The following TTC34 variants were observed in gnomAD, a reference collection of about 807,000 sequenced individuals.
The protein encoded by TTC34 is tetratricopeptide repeat domain 34, also known as tetratricopeptide repeat protein 34.
TTC34 carries 44 observed loss-of-function variants against 40.7 expected under a neutral mutation model. The observed-to-expected ratio is 1.08, with a 90% CI of 0.85 to 1.39. The LOEUF (loss-of-function observed/expected upper bound fraction) is 1.39. Ranked by LOEUF, TTC34 falls within the 40% of genes most tolerant of loss-of-function variation. The pLI is 0.00. For synonymous variants in TTC34, 422 were observed against 398.6 expected (o/e 1.06, Z -0.70); for missense variants, 884 against 838.0 (o/e 1.05, Z -0.68).
intron 6 of TTC34, among the ~76,000 whole-genome samples, chr1:2,690,966 G>C (rs1640591931): frequency 1.3e-5 from 1 of 76,632 alleles, no homozygotes. Flanking sequence ...TGACAGACTG[G>C]AACAGCACCC....
chr1:2,790,461 G>T (rs572945005), intron 2 of TTC34, 115 bp from the exon 3 acceptor site: 10 of 397,276 alleles, frequency 2.5e-5, no homozygotes, highest in Non-Finnish European at 4.4e-5. Context: ...GAGTCCTCCT[G>T]CCCGAGGCAT....
chr1:2,641,981 C>T, intron 8 of TTC34, 86 bp from the exon 9 acceptor site: 1 of 1,328,666 alleles, frequency 7.5e-7, no homozygotes, highest in Non-Finnish European at 9.9e-7. Context: ...GTCCTCTGCA[C>T]AGCCAGCTTC....
intron 6 of TTC34, among the ~76,000 whole-genome samples, chr1:2,695,093 AACCTGGAACAGCACCCATAC>A (rs1640800789): frequency 1.3e-4 from 15 of 118,336 alleles, no homozygotes; most frequent in East Asian, 2.8e-4. Context: ...AGCATCTGAC[AACCTGGAACAGCACCCATAC>A]GCCAAGATGA....
At chr1:2,681,934 C>A (rs373332367) in intron 6 of TTC34, among the ~76,000 whole-genome samples, 2 of 108,502 alleles carry the variant, frequency 1.8e-5, no homozygotes, top group East Asian at 2.3e-4. Context: ...CAGCCTGGAA[C>A]AGCACCAACA....
intron 6 of TTC34, among the ~76,000 whole-genome samples, chr1:2,687,821 C>G (rs1201447242): frequency 6.6e-6 from 1 of 151,288 alleles, no homozygotes; most frequent in Non-Finnish European, 1.5e-5. Context: ...AGGTGAGCAT[C>G]TGATGGTCTG....
intron 6 of TTC34, among the ~76,000 whole-genome samples, chr1:2,751,687 A>C (rs1229239488): frequency 1.9e-3 from 182 of 94,646 alleles, no homozygotes; most frequent in Non-Finnish European, 2.3e-3. Flanking sequence ...AGCACCCACA[A>C]CCCCAAGCGA....
At chr1:2,752,048 AC>A (rs1197382810) in intron 6 of TTC34, among the ~76,000 whole-genome samples, 1 of 114,170 alleles carries the variant, frequency 8.8e-6, no homozygotes. Context: ...CAGCACCGAC[AC>A]CCCCAGGCGA....
chr1:2,660,527 GACA>G (rs1639510168), intron 6 of TTC34, among the ~76,000 whole-genome samples: 1 of 25,792 alleles, frequency 3.9e-5, no homozygotes, highest in Admixed American at 5.2e-4. Flanking sequence ...GTGAGCATCT[GACA>G]ACAGGGAGCA....
intron 6 of TTC34, among the ~76,000 whole-genome samples, chr1:2,687,473 A>C (rs1159816522): frequency 1.4e-5 from 1 of 72,812 alleles, no homozygotes; most frequent in Non-Finnish European, 2.6e-5. Flanking sequence ...ACAGCCTGGA[A>C]CAGCACCCAC....
intron 6 of TTC34, among the ~76,000 whole-genome samples, chr1:2,760,517 A>G (rs1234833939): frequency 1.4e-4 from 6 of 43,222 alleles, no homozygotes; most frequent in Admixed American, 2.8e-4. Context: ...CTGGAGCAGC[A>G]CCCACACCCC....
chr1:2,650,253 A>G (rs1431012073), intron 6 of TTC34, among the ~76,000 whole-genome samples: 21 of 122,900 alleles, frequency 1.7e-4, no homozygotes, highest in African/African-American at 2.2e-4. Flanking sequence ...ATGGCACTCT[A>G]CATCCCCAGG....
chr1:2,643,171 C>T (rs981496900), intron 8 of TTC34, among the ~76,000 whole-genome samples: 2 of 152,220 alleles, frequency 1.3e-5, no homozygotes, highest in Non-Finnish European at 2.9e-5. Flanking sequence ...ACCCCAGACT[C>T]CCCTGAGCCC....
chr1:2,681,433 GAGC>G, intron 6 of TTC34, among the ~76,000 whole-genome samples: 1 of 117,094 alleles, frequency 8.5e-6, no homozygotes, highest in Non-Finnish European at 2.1e-5. Flanking sequence ...ACGCCCAGAT[GAGC>G]ATCTGACAGC....
At chr1:2,754,074 G>GGAGTAGCACCC (rs1641419238) in intron 6 of TTC34, among the ~76,000 whole-genome samples, 1 of 67,978 alleles carries the variant, frequency 1.5e-5, no homozygotes, top group Non-Finnish European at 2.5e-5. Context: ...GTGAGCATCT[G>GGAGTAGCACCC]ACAGCCTGGA....
intron 8 of TTC34, among the ~76,000 whole-genome samples, chr1:2,643,367 C>A (rs1412174245): frequency 6.6e-6 from 1 of 152,238 alleles, no homozygotes; most frequent in African/African-American, 2.4e-5. Flanking sequence ...GCAGCCCAGC[C>A]GTATTCTGCA....
intron 6 of TTC34, among the ~76,000 whole-genome samples, chr1:2,647,011 G>A (rs1639031641): frequency 1.3e-5 from 2 of 152,104 alleles, no homozygotes; most frequent in Admixed American, 1.3e-4. Context: ...CATTGTTTCT[G>A]GGACAAATCT....
intron 6 of TTC34, among the ~76,000 whole-genome samples, chr1:2,647,374 C>T (rs1280088691): frequency 6.6e-6 from 1 of 152,122 alleles, no homozygotes; most frequent in African/African-American, 2.4e-5. Flanking sequence ...CCTGTAATCC[C>T]AGCATGTTGG....
At chr1:2,798,808 TTCAAGCCTC>T (rs1643739693) in intron 2 of TTC34, among the ~76,000 whole-genome samples, 8 of 78,968 alleles carry the variant, frequency 1.0e-4, no homozygotes, top group African/African-American at 4.7e-4. Flanking sequence ...CCTCTCAGCC[TTCAAGCCTC>T]CCAGCCCACC....
At chr1:2,652,405 C>T (rs1467014865) in intron 6 of TTC34, among the ~76,000 whole-genome samples, 1 of 142,552 alleles carries the variant, frequency 7.0e-6, no homozygotes, top group African/African-American at 3.0e-5. Flanking sequence ...AGCACGCACA[C>T]CCCCAGTGAG....
Sources: gnomAD v4.1 joint callset for allele counts (sites outside exome capture counted in the v4.1 genomes callset) on GRCh38, gnomAD v4.1.1 for gene constraint, MANE v1.5 for transcripts, NCBI Gene and HGNC (gene_info 2026-07-23, HGNC 2026-07-21) for gene names.